The following AGBL4 variants were observed in gnomAD, a reference collection of about 807,000 sequenced individuals.
The protein encoded by AGBL4 is cytosolic carboxypeptidase 6.
AGBL4 carries 58 observed loss-of-function variants against 66.4 expected under a neutral mutation model. That is an observed-to-expected ratio of 0.87 (90% CI 0.71 to 1.09). AGBL4 has a LOEUF of 1.09. Among genes scored for constraint, AGBL4 ranks in the 50% least tolerant of loss-of-function variants. The pLI is 0.00. For synonymous variants in AGBL4, 234 were observed against 222.9 expected (o/e 1.05, Z -0.44); for missense variants, 579 against 631.0 (o/e 0.92, Z 0.88).
intron 3 of AGBL4, among the ~76,000 whole-genome samples, chr1:49,296,289 G>T (rs1206940418): frequency 6.6e-6 from 1 of 152,088 alleles, no homozygotes; most frequent in African/African-American, 2.4e-5. Flanking sequence ...AGGTCACAAA[G>T]CTTGTAGAGG....
chr1:49,202,730 A>C (rs1647808857), intron 4 of AGBL4, among the ~76,000 whole-genome samples: 1 of 152,132 alleles, frequency 6.6e-6, no homozygotes, highest in Non-Finnish European at 1.5e-5. Flanking sequence ...CATCAAAAGC[A>C]CAGCAAAAAA....
chr1:50,004,906 C>T (rs1661019681), intron 1 of AGBL4, among the ~76,000 whole-genome samples: 1 of 151,974 alleles, frequency 6.6e-6, no homozygotes. Flanking sequence ...GGGGACTTGT[C>T]TTACACCTAA....
rs577002626 is a variant in AGBL4 at position 49,915,867 on chromosome 1, G to A, written c.35-64349C>T. On this transcript the variant is annotated intron_variant, in intron 1 of 13. Transcript: ENST00000371839. Reference sequence around the variant, plus strand: ...GCAGACTGACACCTCACACGGCCAGGTACTCCTCTGAGACGAAGCTTCCAG... The same window carrying A: ...GCAGACTGACACCTCACACGGCCAGATACTCCTCTGAGACGAAGCTTCCAG... Among the ~76,000 whole-genome samples, 3 of 152,198 alleles carry A rather than the reference G, an allele frequency of 2.0e-5. No homozygotes were observed. In the East Asian group the frequency reaches 5.8e-4, roughly 29 times the overall value.
chr1:49,657,942 C>A (rs960017674), intron 3 of AGBL4, among the ~76,000 whole-genome samples: 2 of 152,152 alleles, frequency 1.3e-5, no homozygotes, highest in East Asian at 1.9e-4. Context: ...AGGATATAGG[C>A]ATGGGCAAGG....
chr1:49,510,220 T>G (rs1160173940), intron 3 of AGBL4, among the ~76,000 whole-genome samples: 1 of 151,998 alleles, frequency 6.6e-6, no homozygotes, highest in East Asian at 1.9e-4. Context: ...GTGTTCCTAT[T>G]TCTCCACATC....
At chr1:48,641,967 C>G (rs568477894) in intron 8 of AGBL4, among the ~76,000 whole-genome samples, 1 of 152,028 alleles carries the variant, frequency 6.6e-6, no homozygotes, top group Non-Finnish European at 1.5e-5. Context: ...GGTTCCTTTA[C>G]GCAAACTGAC....
intron 2 of AGBL4, among the ~76,000 whole-genome samples, chr1:49,713,818 T>C (rs924743460): frequency 6.6e-6 from 1 of 151,952 alleles, no homozygotes; most frequent in African/African-American, 2.4e-5. Flanking sequence ...TTTTAAGAGA[T>C]AGGGTATTTG....
At chr1:49,028,455 T>C (rs1663914752) in intron 5 of AGBL4, among the ~76,000 whole-genome samples, 1 of 152,150 alleles carries the variant, frequency 6.6e-6, no homozygotes. Context: ...AAAATAATTA[T>C]ACATCCAATA....
chr1:48,644,787 C>G (rs183118849), intron 8 of AGBL4, among the ~76,000 whole-genome samples: 1 of 152,134 alleles, frequency 6.6e-6, no homozygotes, highest in African/African-American at 2.4e-5. Context: ...AAAGAGCTTT[C>G]GTTCTTTCTG....
intron 4 of AGBL4, among the ~76,000 whole-genome samples, chr1:49,195,650 T>A (rs1000873669): frequency 1.3e-5 from 2 of 152,208 alleles, no homozygotes; most frequent in Admixed American, 1.3e-4. Flanking sequence ...AATTTTGCAA[T>A]GTATTTTCCG....
intron 4 of AGBL4, among the ~76,000 whole-genome samples, chr1:49,234,413 T>A (rs1171030877): frequency 6.6e-6 from 1 of 152,152 alleles, no homozygotes; most frequent in Admixed American, 6.5e-5. Flanking sequence ...GAAGTATATA[T>A]AGAAATCCTC....
intron 3 of AGBL4, among the ~76,000 whole-genome samples, chr1:49,604,828 A>G (rs1425380197): frequency 6.6e-6 from 1 of 152,108 alleles, no homozygotes; most frequent in East Asian, 1.9e-4. Flanking sequence ...ATCTCTTCTC[A>G]GGCATAATAT....
intron 2 of AGBL4, among the ~76,000 whole-genome samples, chr1:49,828,576 T>C (rs1254155721): frequency 6.6e-6 from 1 of 152,044 alleles, no homozygotes; most frequent in African/African-American, 2.4e-5. Context: ...TGAGGTGAAG[T>C]CAGAAAAGTA....
chr1:49,295,053 A>T (rs1274774716), intron 3 of AGBL4, among the ~76,000 whole-genome samples: 1 of 152,216 alleles, frequency 6.6e-6, no homozygotes, highest in Non-Finnish European at 1.5e-5. Context: ...TGAATAAATA[A>T]ATTAATTGAA....
chr1:49,127,816 A>C (rs952026385), intron 4 of AGBL4, among the ~76,000 whole-genome samples: 6 of 152,280 alleles, frequency 3.9e-5, no homozygotes, highest in African/African-American at 1.4e-4. Flanking sequence ...AATATCTTAA[A>C]ACAAAACTTC....
At chr1:49,555,467 T>C (rs112756686) in intron 3 of AGBL4, among the ~76,000 whole-genome samples, 102,778 of 148,992 alleles carry the variant, frequency 0.69, 35,793 homozygotes, top group African/African-American at 0.78. Flanking sequence ...GAGCTAGACA[T>C]ACAGTGCTGA....
At chr1:48,759,354 T>G in intron 6 of AGBL4, 1 of 1,500,060 alleles carries the variant, frequency 6.7e-7, no homozygotes, top group Non-Finnish European at 8.9e-7. Flanking sequence ...GATCAATATT[T>G]CCCCAGACAA....
chr1:49,805,455 T>C (rs902551268), intron 2 of AGBL4, among the ~76,000 whole-genome samples: 3 of 152,134 alleles, frequency 2.0e-5, no homozygotes, highest in Admixed American at 6.6e-5. Flanking sequence ...TAGTAACTTA[T>C]GAGGTTGTGG....
intron 3 of AGBL4, among the ~76,000 whole-genome samples, chr1:49,603,116 A>G (rs2124176384): frequency 6.6e-6 from 1 of 152,242 alleles, no homozygotes; most frequent in African/African-American, 2.4e-5. Context: ...AAGCCTTTCA[A>G]ACCCCTGCTC....
Sources: allele counts gnomAD v4.1 joint callset (sites outside exome capture counted in the v4.1 genomes callset), GRCh38; gene constraint gnomAD v4.1.1; transcripts MANE v1.5; gene names NCBI Gene and HGNC (gene_info 2026-07-23, HGNC 2026-07-21).